LRRC4C: variants seen among roughly 807,000 people sequenced by gnomAD.
LRRC4C encodes leucine rich repeat containing 4C.
A neutral mutation model predicts 33.6 loss-of-function variants in LRRC4C; 5 were observed. The ratio of observed to expected loss-of-function variants is 0.15; its 90% CI spans 0.08 to 0.31. The LOEUF (loss-of-function observed/expected upper bound fraction) is 0.31, where lower values mean the gene tolerates loss of function less well. LRRC4C is among the 10% of genes least tolerant of loss of function. LRRC4C has a pLI of 1.00. For missense variants in LRRC4C, 560 were observed against 796.7 expected (o/e 0.70, Z 3.58); for synonymous variants, 329 against 302.0 (o/e 1.09, Z -0.93).
chr11:40,820,282 C>A (rs1431803257), intron 2 of LRRC4C, among the ~76,000 whole-genome samples: 2 of 151,680 alleles, frequency 1.3e-5, no homozygotes, highest in African/African-American at 4.8e-5. Context: ...GTAAAGGAAG[C>A]AAGACAGCAA....
intron 1 of LRRC4C, among the ~76,000 whole-genome samples, chr11:41,407,005 G>A (rs890661066): frequency 6.6e-6 from 1 of 152,064 alleles, no homozygotes. Flanking sequence ...TTACAGTGTG[G>A]TAAAGGTATT....
At chr11:41,380,746 C>G (rs1953113925) in intron 1 of LRRC4C, among the ~76,000 whole-genome samples, 1 of 152,068 alleles carries the variant, frequency 6.6e-6, no homozygotes. Flanking sequence ...CTCAGATTCA[C>G]AACTTCAAAG....
intron 1 of LRRC4C, among the ~76,000 whole-genome samples, chr11:41,265,155 G>A (rs1478203491): frequency 6.6e-6 from 1 of 152,096 alleles, no homozygotes; most frequent in African/African-American, 2.4e-5. Flanking sequence ...GAATGAACAT[G>A]GCATTATTTT....
intron 2 of LRRC4C, among the ~76,000 whole-genome samples, chr11:40,768,427 A>C (rs2137141346): frequency 6.6e-6 from 1 of 152,222 alleles, no homozygotes; most frequent in South Asian, 2.1e-4. Context: ...ACTATTCTAA[A>C]TGATAGAGGA....
intron 1 of LRRC4C, among the ~76,000 whole-genome samples, chr11:41,108,999 T>C (rs1941673076): frequency 6.6e-6 from 1 of 152,112 alleles, no homozygotes; most frequent in Non-Finnish European, 1.5e-5. Context: ...CTCAAAGTCC[T>C]TTTTTGATAT....
intron 2 of LRRC4C, among the ~76,000 whole-genome samples, chr11:40,794,904 C>A (rs190324811): frequency 1.3e-5 from 2 of 152,256 alleles, no homozygotes; most frequent in East Asian, 3.9e-4. Context: ...GCAGGTGACA[C>A]AAGAATGATA....
At chr11:41,218,299 G>A (rs1423963917) in intron 1 of LRRC4C, among the ~76,000 whole-genome samples, 1 of 152,148 alleles carries the variant, frequency 6.6e-6, no homozygotes, top group Non-Finnish European at 1.5e-5. Flanking sequence ...GAATCATATA[G>A]AAAGTGATCA....
At chr11:40,984,403 G>GAAAGAA (rs1852825464) in intron 1 of LRRC4C, among the ~76,000 whole-genome samples, 1 of 85,692 alleles carries the variant, frequency 1.2e-5, no homozygotes, top group African/African-American at 3.7e-5. Context: ...AAGAAAGAAA[G>GAAAGAA]AAAGAAAGAA....
intron 5 of LRRC4C, among the ~76,000 whole-genome samples, chr11:40,216,880 A>G (rs1864018018): frequency 6.6e-6 from 1 of 152,134 alleles, no homozygotes; most frequent in Non-Finnish European, 1.5e-5. Flanking sequence ...CTTTTTGAAA[A>G]CACTGATTAC....
intron 1 of LRRC4C, among the ~76,000 whole-genome samples, chr11:41,163,304 A>ATTTTTTTTTTTTTTTT (rs1565440667): frequency 7.6e-5 from 8 of 105,308 alleles, no homozygotes; most frequent in East Asian, 2.9e-4. Flanking sequence ...TTTTTTTTCA[A>ATTTTTTTTTTTTTTTT]ACAGGGTCTT....
intron 1 of LRRC4C, among the ~76,000 whole-genome samples, chr11:41,029,606 T>C (rs532785992): frequency 6.6e-6 from 1 of 151,938 alleles, no homozygotes; most frequent in South Asian, 2.1e-4. Flanking sequence ...ACATTAGCTT[T>C]GGTAAGACTG....
In LRRC4C at chr11:41,072,566, T is replaced by C. The variant is rs188432397; in HGVS notation, c.-495-138843A>G. Among the ~76,000 whole-genome samples the C allele has an allele frequency of 1.5e-3, 227 of 152,128 alleles. 2 individuals are homozygous for C. The highest frequency in any genetic ancestry group is 4.8e-3 in the African/African-American group (201 of 41,502). On this transcript the variant is annotated intron_variant, in intron 1 of 6. Coordinates refer to ENST00000528697, the MANE Select transcript of LRRC4C (RefSeq NM_001258419.2). ...TTTCCCTTCCCCTCTTCAGTCATGA[T>C]TGTAAGTTTTCTGAGACCTCCGCAG...
intron 3 of LRRC4C, among the ~76,000 whole-genome samples, chr11:40,375,184 T>C (rs1948608478): frequency 6.6e-6 from 1 of 152,160 alleles, no homozygotes; most frequent in African/African-American, 2.4e-5. Flanking sequence ...TTTGTTTTAT[T>C]ACCAACATAT....
intron 2 of LRRC4C, among the ~76,000 whole-genome samples, chr11:40,854,226 C>A (rs1322198653): frequency 2.0e-5 from 3 of 152,110 alleles, no homozygotes; most frequent in African/African-American, 7.2e-5. Flanking sequence ...AGTTTATTGA[C>A]AAGGCAGTGT....
In LRRC4C at chr11:41,374,286, T is replaced by C. The variant is rs556417784; in HGVS notation, c.-496+85145A>G. Among the ~76,000 whole-genome samples the C allele has an allele frequency of 9.2e-5, 14 of 152,298 alleles. 1 individual carries two copies. In the South Asian group the frequency reaches 2.9e-3, roughly 32 times the overall value. On this transcript the variant is annotated intron_variant, in intron 1 of 6. Transcript: ENST00000528697. The stretch of plus-strand genomic sequence containing the variant: ...ACCAAGTACACTGAAATTATCACAC[T>C]ATATGATATTATGAGTCTGTGCATA...
At chr11:40,891,876 C>T (rs1285792811) in intron 2 of LRRC4C, among the ~76,000 whole-genome samples, 4 of 152,038 alleles carry the variant, frequency 2.6e-5, no homozygotes, top group Admixed American at 1.3e-4. Context: ...TGGCTCACAC[C>T]TATAATCCCA....
intron 1 of LRRC4C, among the ~76,000 whole-genome samples, chr11:40,982,847 C>A (rs1351893292): frequency 6.6e-6 from 1 of 152,104 alleles, no homozygotes. Flanking sequence ...CAATGGTCCC[C>A]AGGGTGTGTT....
intron 3 of LRRC4C, among the ~76,000 whole-genome samples, chr11:40,594,760 G>C (rs1959193178): frequency 6.6e-6 from 1 of 152,080 alleles, no homozygotes; most frequent in African/African-American, 2.4e-5. Flanking sequence ...ATTGAAATAA[G>C]TACTGAGCAA....
At chr11:40,778,490 G>C (rs1424107836) in intron 2 of LRRC4C, among the ~76,000 whole-genome samples, 1 of 152,032 alleles carries the variant, frequency 6.6e-6, no homozygotes, top group Admixed American at 6.6e-5. Context: ...CAGGTAGCTG[G>C]GCTCTAGAGT....
Sources: gnomAD v4.1 joint callset for allele counts (sites outside exome capture counted in the v4.1 genomes callset) on GRCh38, gnomAD v4.1.1 for gene constraint, MANE v1.5 for transcripts, NCBI Gene and HGNC (gene_info 2026-07-23, HGNC 2026-07-21) for gene names.